MAN2B1: variants seen among roughly 807,000 people sequenced by gnomAD.
MAN2B1 encodes mannosidase alpha class 2B member 1, also known as lysosomal alpha-mannosidase.
In MAN2B1, 99 loss-of-function variants were observed where a neutral mutation model predicts 127.5. That is an observed-to-expected ratio of 0.78 (90% confidence interval 0.66 to 0.92). The LOEUF is 0.92. MAN2B1 is among the 40% of genes least tolerant of loss of function. MAN2B1 has a pLI of 0.00. For synonymous variants in MAN2B1, 573 were observed against 568.8 expected (o/e 1.01, Z -0.11); for missense variants, 1,304 against 1,384.8 (o/e 0.94, Z 0.93).
chr19:12,665,396 T>C lies in MAN2B1; in HGVS notation c.392A>G (p.Gln131Arg), dbSNP rs1168095921. Residue 131 changes from glutamine (Q) to arginine (R), a missense_variant, in exon 3 of 24, where the codon CAG becomes CGG. Physicochemically the swap from Gln to Arg is conservative, Grantham distance 43 (BLOSUM62 1). Transcript: ENST00000456935. Reference protein sequence around the residue: ...IAFFSRWWHQQTNATQEVVRD... With the variant: ...IAFFSRWWHQRTNATQEVVRD... ...CACGACTTCCTGTGTGGCATTTGTC[T>C]GCTGGTGCCACCAACGGGAGAAGAA... 6.2e-7 allele frequency: 1 copy of C among 1,611,794 alleles called. No homozygotes were observed. The highest frequency in any genetic ancestry group is 1.1e-5 in the South Asian group (1 of 91,084).
intron 4 of MAN2B1, among the ~76,000 whole-genome samples, chr19:12,664,425 T>G (rs1312582150): frequency 6.6e-6 from 1 of 152,104 alleles, no homozygotes. Flanking sequence ...TTCCACAGCC[T>G]GAGGATGGAT....
intron 6 of MAN2B1, among the ~76,000 whole-genome samples, chr19:12,661,993 C>T (rs1234855422): frequency 5.9e-5 from 9 of 152,108 alleles, no homozygotes; most frequent in Middle Eastern, 3.4e-3. Flanking sequence ...TACAGGCGTG[C>T]GCCACCACAC....
At position 12,665,433 on chromosome 19, in the gene MAN2B1, C is replaced by A. The variant is rs201140883; in HGVS notation, c.355G>T (p.Val119Leu). Reference protein sequence around the residue: ...LADPTRRFIYVEIAFFSRWWH... With the variant: ...LADPTRRFIYLEIAFFSRWWH... ...CAACGGGAGAAGAAGGCAATCTCCA[C>A]GTAAATGAAGCGACGGGTGGGATCT... Residue 119 changes from valine to leucine, a missense_variant, in exon 3 of 24, where the codon GTG (valine) becomes TTG (leucine). Val to Leu is a conservative substitution (Grantham distance 32). Coordinates refer to ENST00000456935, the MANE Select transcript of MAN2B1 (RefSeq NM_000528.4). 6.2e-7 allele frequency: 1 copy of A among 1,613,772 alleles called. No individual in the cohort carries two copies. The highest frequency in any genetic ancestry group is 8.5e-7 in the Non-Finnish European group (1 of 1,180,050).
rs189521877 is a variant in MAN2B1, at chr19:12,649,692, C to T, written c.2267+221G>A. On this transcript the variant is annotated intron_variant, in intron 18 of 23. Transcript: ENST00000456935. ...AGAGACGGGGTTTCACCATGTTAGC[C>T]AGGATAGTCTCGATCTCCTGACCTT... is the stretch of plus-strand genomic sequence containing the variant. 1.2e-4 allele frequency among the ~76,000 whole-genome samples: 18 copies of T among 151,782 alleles called. No homozygotes were observed. The East Asian group carries it at 3.5e-3, about 30-fold the overall frequency.
chr19:12,664,715 G>A, intron 4 of MAN2B1, 77 bp downstream of exon 4: 1 of 1,427,000 alleles, frequency 7.0e-7, no homozygotes, highest in Non-Finnish European at 9.6e-7. Context: ...ATTGCAGGGA[G>A]AGGGCGGGGT....
rs1204396930 is a variant in MAN2B1 at position 12,646,742 on chromosome 19, T to G, written c.2924-10A>C. 4 of 1,592,540 alleles carry G rather than the reference T, an allele frequency of 2.5e-6. No individual in the cohort carries two copies. Among genetic ancestry groups the G allele is most frequent in the Non-Finnish European group, 3.4e-6 (4 of 1,160,662 alleles). On this transcript the variant is annotated splice_polypyrimidine_tract_variant and intron_variant, in intron 23 of 23. Transcript: ENST00000456935. ...TGGTGGGGTGTGGGGCCTGGAGAGG[T>G]GCAGGGGGAAGGAGGAGTGAGGAGG...
rs1388469279 is a variant in MAN2B1 at position 12,646,623 on chromosome 19, A to G, written c.3033T>C (p.Gly1011=). The G allele has an allele frequency of 3.7e-6, 6 of 1,610,798 alleles. No individual in the cohort carries two copies. In the Admixed American group the frequency reaches 1.0e-4, roughly 27 times the overall value. The change falls in exon 24 of 24, where the codon GGT becomes GGC. Residue 1011 remains glycine (G), a synonymous_variant. Coordinates refer to ENST00000456935, the MANE Select transcript of MAN2B1 (RefSeq NM_000528.4). ...TGGAGGGCCCATCCCAGCAGACCTA[A>G]CCATCCACCTCCTTCCATTGAACTG... ...LASVQWKEVD[G]
At position 12,652,374 on chromosome 19, in the gene MAN2B1, C is replaced by G. The variant is rs2023858969; in HGVS notation, c.1917G>C (p.Gln639His). The G allele has an allele frequency of 1.2e-6, 2 of 1,614,102 alleles. No homozygotes were observed. The highest frequency in any genetic ancestry group is 8.5e-7 in the Non-Finnish European group (1 of 1,179,994). The change falls in exon 15 of 24, where the codon CAG becomes CAC. Residue 639 changes from glutamine to histidine, a missense_variant. Physicochemically the swap from Gln to His is conservative, Grantham distance 24 (BLOSUM62 0). Transcript: ENST00000456935. ...TGATCTTCCCTTACCAGAAGAAGGT[C>G]TGGCGAACAGGCAGCAGGAGTTGCT... Reference protein sequence around the residue: ...MNQQLLLPVRQTFFWYNASIG... With the variant: ...MNQQLLLPVRHTFFWYNASIG...
At chr19:12,662,933 GTC>G (rs2024140976) in intron 6 of MAN2B1, among the ~76,000 whole-genome samples, 1 of 115,182 alleles carries the variant, frequency 8.7e-6, no homozygotes, top group African/African-American at 3.7e-5. Flanking sequence ...GCAAGACTCT[GTC>G]TCAAAAAAAA....
chr19:12,650,678 T>C (rs1273169755), intron 16 of MAN2B1, among the ~76,000 whole-genome samples: 1 of 150,334 alleles, frequency 6.7e-6, no homozygotes, highest in Non-Finnish European at 1.5e-5. Flanking sequence ...TTTTTTCTTT[T>C]TTTTTTTTTG....
intron 6 of MAN2B1, among the ~76,000 whole-genome samples, chr19:12,662,678 T>C (rs905743616): frequency 2.6e-5 from 4 of 151,622 alleles, no homozygotes; most frequent in African/African-American, 7.3e-5. Flanking sequence ...CTAGGCACAG[T>C]GGCCCACACC....
At position 12,646,730 on chromosome 19, in the gene MAN2B1, G is replaced by A. The variant is rs1318552820; in HGVS notation, c.2926C>T (p.Pro976Ser). The A allele has an allele frequency of 1.2e-6, 2 of 1,607,948 alleles. No individual in the cohort carries two copies. Among genetic ancestry groups the A allele is most frequent in the Admixed American group, 1.7e-5 (1 of 59,976 alleles). Residue 976 changes from proline (P) to serine (S), a missense_variant and splice_region_variant, in exon 24 of 24, where the codon CCC (proline) becomes TCC (serine). Transcript: ENST00000456935. ...TGGTACGGAGTTTGGTGGGGTGTGGGGCCTGGAGAGGTGCAGGGGGAAGGA... is the reference window on the plus strand; with the variant it reads ...TGGTACGGAGTTTGGTGGGGTGTGGAGCCTGGAGAGGTGCAGGGGGAAGGA... ...SRLKWTTNTG[P>S]TPHQTPYQLD...
Position 12,661,339 on chromosome 19 carries a change from A to G in MAN2B1, c.947T>C (p.Met316Thr). Residue 316 changes from methionine to threonine, a missense_variant, in exon 7 of 24, where the codon ATG (methionine) becomes ACG (threonine). By Grantham distance (81) the Met-to-Thr change is moderately conservative. Transcript: ENST00000456935. ...ATTCTCATATTGGAAGTCCGAGCCCATGGTCATCACAGTGTGGTTGGTGCG... is the reference window on the plus strand; with the variant it reads ...ATTCTCATATTGGAAGTCCGAGCCCGTGGTCATCACAGTGTGGTTGGTGCG... Reference protein sequence around the residue: ...YYRTNHTVMTMGSDFQYENAN... With the variant: ...YYRTNHTVMTTGSDFQYENAN... 1 of 1,614,014 alleles carries G rather than the reference A, an allele frequency of 6.2e-7. No homozygotes were observed. Among genetic ancestry groups the G allele is most frequent in the Non-Finnish European group, 8.5e-7 (1 of 1,179,880 alleles).
Position 12,658,273 on chromosome 19 carries a change from C to A in MAN2B1, c.1181G>T (p.Ser394Ile). ...CTCGTAGCGTTTGAGGGCCGGCCGA[C>A]TGGAAAAGTAACCGGTCCAGAACTG... ...PHQFWTGYFS[S>I]RPALKRYERL... Residue 394 changes from serine (S) to isoleucine (I), a missense_variant, in exon 9 of 24, where the codon AGT becomes ATT. Ser to Ile is a moderately radical substitution (Grantham distance 142). Transcript: ENST00000456935. 1 of 1,614,176 alleles carries A rather than the reference C, an allele frequency of 6.2e-7. No homozygotes were observed. Among genetic ancestry groups the A allele is most frequent in the South Asian group, 1.1e-5 (1 of 91,088 alleles).
intron 7 of MAN2B1, among the ~76,000 whole-genome samples, chr19:12,659,683 G>T (rs933300452): frequency 6.6e-6 from 1 of 152,114 alleles, no homozygotes. Flanking sequence ...GCCAGGGTTG[G>T]TGGCACATGC....
At chr19:12,648,851 C>T (rs757710990) in intron 20 of MAN2B1, among the ~76,000 whole-genome samples, 21 of 152,078 alleles carry the variant, frequency 1.4e-4, no homozygotes, top group Non-Finnish European at 3.1e-4. Context: ...CAAAATTAGC[C>T]GGGCGTGATG....
Position 12,657,076 on chromosome 19 carries a change from G to C in MAN2B1, c.1420-20C>G. ...AAGAACCTGCGGAAGAGCGCAAAGG[G>C]ACCGGTGGGTTCAGGACGCCAGGCC... is the stretch of plus-strand genomic sequence containing the variant. On this transcript the variant is annotated intron_variant, in intron 11 of 23. Transcript: ENST00000456935. 1 of 1,496,748 alleles carries C rather than the reference G, an allele frequency of 6.7e-7. No homozygotes were observed. The highest frequency in any genetic ancestry group is 9.2e-7 in the Non-Finnish European group (1 of 1,084,724). 92.7% of individuals were successfully genotyped at this position (1,496,748 alleles called of 1,614,324 possible). A position where few individuals can be genotyped will look rare whatever the true frequency, so the allele number is the denominator to read the frequency against.
chr19:12,663,257 A>G, intron 6 of MAN2B1, 60 bp downstream of exon 6: 4 of 1,596,786 alleles, frequency 2.5e-6, no homozygotes, highest in Non-Finnish European at 1.7e-6. Flanking sequence ...TGCCTGTACC[A>G]TGGAAAGAGC....
rs2023968749 is a variant in MAN2B1 at position 12,656,683 on chromosome 19, T to C, written c.1532A>G (p.Gln511Arg). 1 of 1,609,632 alleles carries C rather than the reference T, an allele frequency of 6.2e-7. No individual in the cohort carries two copies. Among genetic ancestry groups the C allele is most frequent in the African/African-American group, 1.3e-5 (1 of 74,918 alleles). The change falls in exon 13 of 24, where the codon CAG becomes CGG. Residue 511 changes from glutamine to arginine, a missense_variant. Transcript: ENST00000456935. The stretch of plus-strand genomic sequence containing the variant: ...CCCCAGGGGATTATAAACGATGACC[T>C]GGAACTGGGGAGGCGGGGGTCAGAG... ...CPLSQTAARF[Q>R]VIVYNPLGRK...
Sources: gnomAD v4.1 joint callset for allele counts (sites outside exome capture counted in the v4.1 genomes callset) on GRCh38, gnomAD v4.1.1 for gene constraint, MANE v1.5 for transcripts, NCBI Gene and HGNC (gene_info 2026-07-23, HGNC 2026-07-21) for gene names.